The following PTPRT variants were observed in gnomAD, a reference collection of about 807,000 sequenced individuals.
PTPRT encodes protein tyrosine phosphatase receptor type T.
Under a neutral mutation model 176.8 loss-of-function variants are expected in PTPRT, and 56 were observed. The observed-to-expected ratio is 0.32, with a 90% confidence interval of 0.26 to 0.40. PTPRT has a LOEUF of 0.40. Among genes scored for constraint, PTPRT ranks in the 10% least tolerant of loss-of-function variants. PTPRT has a pLI of 1.00. For missense variants in PTPRT, 1,540 were observed against 1,908.2 expected, an observed-to-expected ratio of 0.81 and a Z score of 3.60; for synonymous variants, 783 against 739.0, an observed-to-expected ratio of 1.06 and a Z score of -0.96.
intron 7 of PTPRT, among the ~76,000 whole-genome samples, chr20:42,629,878 GA>G (rs1569033053): frequency 1.3e-5 from 2 of 152,136 alleles, no homozygotes; most frequent in African/African-American, 2.4e-5. Flanking sequence ...CCAATGGGGG[GA>G]AAAATGATAC....
intron 9 of PTPRT, among the ~76,000 whole-genome samples, chr20:42,378,045 C>A (rs1382925020): frequency 6.6e-6 from 1 of 152,190 alleles, no homozygotes; most frequent in African/African-American, 2.4e-5. Flanking sequence ...GAATAGAAGG[C>A]TTAACAGATG....
At chr20:42,589,248 T>G (rs1048321582) in intron 7 of PTPRT, among the ~76,000 whole-genome samples, 7 of 152,188 alleles carry the variant, frequency 4.6e-5, no homozygotes, top group Non-Finnish European at 1.0e-4. Flanking sequence ...GTTCTCTCAT[T>G]TAATCTTGTG....
chr20:42,040,268 G>A, the PTPRT span, among the ~76,000 whole-genome samples: 1 of 152,178 alleles, frequency 6.6e-6, no homozygotes, highest in African/African-American at 2.4e-5. Context: ...GAAACAGGCT[G>A]TCTGAGCAGG....
Position 42,142,879 on chromosome 20 carries a change from C to T in PTPRT, c.2683-877G>A, listed in dbSNP as rs933818857. On this transcript the variant is annotated intron_variant, in intron 17 of 30. Transcript: ENST00000373187. ...AGGGGGACTTCATTAATGATAGATA[C>T]TATAATTCCTTCATGATACTGTAAT... Among the ~76,000 whole-genome samples, 18 of 152,072 alleles carry T rather than the reference C, an allele frequency of 1.2e-4. 1 individual carries two copies. Among genetic ancestry groups the T allele is most frequent in the Admixed American group, 1.3e-4 (2 of 15,274 alleles).
At chr20:42,984,685 A>C (rs1022534178) in intron 1 of PTPRT, among the ~76,000 whole-genome samples, 1 of 152,186 alleles carries the variant, frequency 6.6e-6, no homozygotes, top group Non-Finnish European at 1.5e-5. Flanking sequence ...CATTGCTTTT[A>C]TTTTTACAGA....
chr20:42,670,729 TG>T (rs1360586843), intron 7 of PTPRT, among the ~76,000 whole-genome samples: 1 of 152,160 alleles, frequency 6.6e-6, no homozygotes, highest in African/African-American at 2.4e-5. Context: ...AAGGGGCCTT[TG>T]ATTGACACGC....
At chr20:42,683,954 C>T (rs953652533) in intron 6 of PTPRT, among the ~76,000 whole-genome samples, 2 of 152,204 alleles carry the variant, frequency 1.3e-5, no homozygotes, top group African/African-American at 2.4e-5. Flanking sequence ...AGTGAGCAAT[C>T]GGCAGTAGCC....
At chr20:42,308,389 G>A (rs2057577266) in intron 12 of PTPRT, among the ~76,000 whole-genome samples, 1 of 152,230 alleles carries the variant, frequency 6.6e-6, no homozygotes, top group East Asian at 1.9e-4. Flanking sequence ...AGTCATGGGT[G>A]AGTCAAGGCG....
Position 42,561,065 on chromosome 20 carries a change from C to A in PTPRT, c.1154-88503G>T, listed in dbSNP as rs116229021. Among the ~76,000 whole-genome samples the A allele has an allele frequency of 7.2e-3, 1,096 of 152,332 alleles. 17 individuals carry two copies. Among genetic ancestry groups the A allele is most frequent in the African/African-American group, 0.025 (1,057 of 41,588 alleles). On this transcript the variant is annotated intron_variant, in intron 7 of 30. Transcript: ENST00000373187. ...GTTAACTTGTGTCTGGCAGCAAAAGCTGCTGGTCCCTAGGATGCAGCAATC... is the reference window on the plus strand; with the variant it reads ...GTTAACTTGTGTCTGGCAGCAAAAGATGCTGGTCCCTAGGATGCAGCAATC...
chr20:42,138,342 C>T (rs1222236233), intron 18 of PTPRT, among the ~76,000 whole-genome samples: 2 of 152,178 alleles, frequency 1.3e-5, no homozygotes, highest in Non-Finnish European at 2.9e-5. Context: ...GGTGGGGTCA[C>T]CATGGGTGGC....
chr20:42,270,369 C>T (rs1200457028), intron 13 of PTPRT: 6 of 1,222,164 alleles, frequency 4.9e-6, no homozygotes, highest in Non-Finnish European at 5.8e-6. Context: ...ACTCTCCCCT[C>T]CCACCCGCCC....
chr20:42,088,878 T>C (rs1163724481), intron 27 of PTPRT, among the ~76,000 whole-genome samples: 2 of 152,228 alleles, frequency 1.3e-5, no homozygotes, highest in Non-Finnish European at 2.9e-5. Context: ...AGGCATGGAA[T>C]AAGCATTTAC....
chr20:42,053,083 G>A, the PTPRT span, among the ~76,000 whole-genome samples: 1 of 152,202 alleles, frequency 6.6e-6, no homozygotes, highest in Non-Finnish European at 1.5e-5. Context: ...CACGCTGGGT[G>A]TGGCTCTCCA....
intron 8 of PTPRT, among the ~76,000 whole-genome samples, chr20:42,450,057 CAT>C (rs1295977430): frequency 1.3e-5 from 2 of 152,168 alleles, no homozygotes. Flanking sequence ...TGGGGCCATA[CAT>C]TTCTCTGGGG....
chr20:42,995,346 G>T (rs568533014), intron 1 of PTPRT, among the ~76,000 whole-genome samples: 1 of 152,264 alleles, frequency 6.6e-6, no homozygotes, highest in South Asian at 2.1e-4. Context: ...AAGTCAGAGG[G>T]CATATTGAAA....
rs1403411484 is a variant in PTPRT, at chr20:42,199,337, C to T, written c.2394G>A (p.Met798Ile). 2.5e-6 allele frequency: 4 copies of T among 1,614,158 alleles called. No homozygotes were observed. Among genetic ancestry groups the T allele is most frequent in the Non-Finnish European group, 3.4e-6 (4 of 1,180,004 alleles). Reference protein sequence around the residue: ...KETQSGAQREMGPVASADKPT... With the variant: ...KETQSGAQREIGPVASADKPT... ...GTTTGTCGGCAGAGGCCACAGGCCC[C>T]ATCTCCCTCTGGGCTCCACTCTGGG... Residue 798 changes from methionine (M) to isoleucine (I), a missense_variant, in exon 16 of 31, where the codon ATG becomes ATA. Physicochemically the swap from Met to Ile is conservative, Grantham distance 10. This residue lies in a region of PTPRT where 255 missense variants were observed against 250.1 expected (regional missense o/e 1.02). Transcript: ENST00000373187.
At chr20:42,821,589 G>C (rs921837528) in intron 2 of PTPRT, among the ~76,000 whole-genome samples, 1 of 152,026 alleles carries the variant, frequency 6.6e-6, no homozygotes, top group African/African-American at 2.4e-5. Context: ...AGAAATAAAG[G>C]GTATTAAAAT....
At chr20:42,471,598 TTCTTTATAAATTACCCAG>T (rs752810228) in intron 8 of PTPRT, among the ~76,000 whole-genome samples, 14 of 152,350 alleles carry the variant, frequency 9.2e-5, no homozygotes, top group Middle Eastern at 6.8e-3. Flanking sequence ...TAAACCTCCT[TTCTTTATAAATTACCCAG>T]TCTTTATAAA....
intron 1 of PTPRT, among the ~76,000 whole-genome samples, chr20:42,900,116 C>T (rs796126262): frequency 2.0e-5 from 3 of 152,318 alleles, no homozygotes; most frequent in African/African-American, 7.2e-5. Context: ...AGCATTGCAA[C>T]AGGCAAATTG....
Sources: gnomAD v4.1 joint callset for allele counts (sites outside exome capture counted in the v4.1 genomes callset) on GRCh38, gnomAD v4.1.1 for gene constraint, gnomAD v4.1.1 regional missense constraint, MANE v1.5 for transcripts, NCBI Gene and HGNC (gene_info 2026-07-23, HGNC 2026-07-21) for gene names.